The following BPTF variants were observed in gnomAD, a reference collection of about 807,000 sequenced individuals.
The protein encoded by BPTF is bromodomain PHD finger transcription factor.
A neutral mutation model predicts 292.5 loss-of-function variants in BPTF; 18 were observed. The observed-to-expected ratio is 0.06, with a 90% confidence interval of 0.04 to 0.09. BPTF has a LOEUF of 0.09. Among genes scored for constraint, BPTF ranks in the 10% least tolerant of loss-of-function variants. BPTF has a pLI of 1.00. For synonymous variants in BPTF, 1,225 were observed against 1,251.9 expected (o/e 0.98, Z 0.45); for missense variants, 2,726 against 3,498.7 (o/e 0.78, Z 5.57).
intron 27 of BPTF, among the ~76,000 whole-genome samples, chr17:67,979,486 G>A (rs1282668548): frequency 2.0e-5 from 3 of 152,128 alleles, no homozygotes; most frequent in South Asian, 2.1e-4. Flanking sequence ...GGAGGTTGCA[G>A]TGCACCAAGA....
intron 7 of BPTF, among the ~76,000 whole-genome samples, chr17:67,899,433 T>C (rs1183813497): frequency 6.6e-6 from 1 of 152,206 alleles, no homozygotes; most frequent in Admixed American, 6.5e-5. Context: ...GAAGCCAGAC[T>C]GTGACCCAGA....
In BPTF at chr17:67,886,253, G is replaced by A. The variant is rs762552906; in HGVS notation, c.1865-5591G>A. On this transcript the variant is annotated intron_variant, in intron 4 of 27. Transcript: ENST00000306378. ...TTCCCAGAGTGAATCTGCTAAGGCA[G>A]CTGATGATCCTGAAAATGGAGAAAG... 3.7e-6 allele frequency: 6 copies of A among 1,614,028 alleles called. No individual in the cohort carries two copies. In the South Asian group the frequency reaches 6.6e-5, roughly 18 times the overall value.
At chr17:67,843,982 C>T (rs1235511153) in intron 1 of BPTF, among the ~76,000 whole-genome samples, 1 of 149,214 alleles carries the variant, frequency 6.7e-6, no homozygotes, top group Admixed American at 6.7e-5. Flanking sequence ...TCAGGCTGGT[C>T]TCAAACTCCT....
At chr17:67,900,997 CA>C (rs1413040973) in intron 7 of BPTF, among the ~76,000 whole-genome samples, 10 of 150,000 alleles carry the variant, frequency 6.7e-5, no homozygotes, top group Non-Finnish European at 1.5e-4. Context: ...GCATCCTGGG[CA>C]ACAGAGTGAC....
At chr17:67,868,789 A>G (rs1320881322) in intron 3 of BPTF, among the ~76,000 whole-genome samples, 1 of 152,198 alleles carries the variant, frequency 6.6e-6, no homozygotes. Context: ...GTTCTCACAT[A>G]TTCTACATCA....
intron 26 of BPTF, 70 bp downstream of exon 26, chr17:67,966,726 T>C: frequency 1.6e-6 from 2 of 1,270,470 alleles, no homozygotes; most frequent in Non-Finnish European, 2.1e-6. Flanking sequence ...ATAAAATTAA[T>C]ATCTTAGAAT....
In BPTF at chr17:67,969,698, C is replaced by G. The variant is rs554802548; in HGVS notation, c.8539+3042C>G. 3.8e-4 allele frequency among the ~76,000 whole-genome samples: 58 copies of G among 151,638 alleles called. 1 individual carries two copies. The highest frequency in any genetic ancestry group is 1.3e-3 in the African/African-American group (55 of 41,354). On this transcript the variant is annotated intron_variant, in intron 26 of 27. Coordinates refer to ENST00000306378, the MANE Select transcript of BPTF (RefSeq NM_182641.4). ...TGTTTTTTTTAATACCAAGATAAGC[C>G]CCAAATGGTGGTTCCCCCAGCACTT...
intron 27 of BPTF, chr17:67,977,558 T>G (rs1338657443): frequency 1.3e-5 from 2 of 150,750 alleles, no homozygotes; most frequent in Non-Finnish European, 3.0e-5. Context: ...AGGAAACAAA[T>G]TTTTTCCTTT....
chr17:67,930,655 A>G (rs2064298423), intron 17 of BPTF, among the ~76,000 whole-genome samples: 1 of 152,214 alleles, frequency 6.6e-6, no homozygotes. Context: ...TTTTAAAACT[A>G]TGAAAGGACC....
At chr17:67,844,952 A>T (rs1024789726) in intron 1 of BPTF, among the ~76,000 whole-genome samples, 1 of 152,122 alleles carries the variant, frequency 6.6e-6, no homozygotes, top group African/African-American at 2.4e-5. Flanking sequence ...CATGTTGGTC[A>T]GGCTGGTCAC....
intron 23 of BPTF, among the ~76,000 whole-genome samples, chr17:67,957,697 A>G (rs2067089949): frequency 6.6e-6 from 1 of 152,182 alleles, no homozygotes; most frequent in African/African-American, 2.4e-5. Context: ...GCAAGACTCC[A>G]TCTCCTCAAA....
rs1298818204 is a variant in BPTF at position 67,911,013 on chromosome 17, G to A, written c.3129G>A (p.Glu1043=). 1 of 1,613,652 alleles carries A rather than the reference G, an allele frequency of 6.2e-7. No homozygotes were observed. Among genetic ancestry groups the A allele is most frequent in the African/African-American group, 1.3e-5 (1 of 74,822 alleles). ...AAGTAGATGTGGTCAATGTTAGTGAGGGTTTTCATCTAAGGACTAGTTACA... is the reference window on the plus strand; with the variant it reads ...AAGTAGATGTGGTCAATGTTAGTGAAGGTTTTCATCTAAGGACTAGTTACA... ...SSQVDVVNVS[E]GFHLRTSYKK... Residue 1043 remains glutamate (E), a synonymous_variant, in exon 11 of 28, where the codon GAG becomes GAA. Transcript: ENST00000306378.
intron 1 of BPTF, among the ~76,000 whole-genome samples, chr17:67,839,247 C>G (rs1171030811): frequency 6.6e-6 from 1 of 151,894 alleles, no homozygotes; most frequent in Admixed American, 6.6e-5. Flanking sequence ...GGAACTGATG[C>G]GAATATTTCA....
At chr17:67,867,980 A>G (rs1216613302) in intron 3 of BPTF, among the ~76,000 whole-genome samples, 1 of 152,110 alleles carries the variant, frequency 6.6e-6, no homozygotes, top group African/African-American at 2.4e-5. Flanking sequence ...TGAAGGGGCA[A>G]TATCTACATA....
chr17:67,974,549 C>T (rs1413946396), intron 26 of BPTF: 1 of 152,450 alleles, frequency 6.6e-6, no homozygotes, highest in Non-Finnish European at 1.5e-5. Flanking sequence ...CGGTCGCCAG[C>T]CCCAGGTGGT....
At chr17:67,903,707 T>A (rs2062001536) in intron 7 of BPTF, 82 bp from the exon 8 acceptor site, 1 of 1,309,418 alleles carries the variant, frequency 7.6e-7, no homozygotes, top group African/African-American at 1.5e-5. Context: ...TGCTTTGTTT[T>A]CCTAATTTTT....
At chr17:67,849,081 C>A (rs1414988790) in intron 1 of BPTF, among the ~76,000 whole-genome samples, 1 of 152,170 alleles carries the variant, frequency 6.6e-6, no homozygotes, top group Non-Finnish European at 1.5e-5. Flanking sequence ...GCTTCCCTTG[C>A]ATGAGTTTCC....
intron 9 of BPTF, among the ~76,000 whole-genome samples, chr17:67,905,450 T>C (rs760469019): frequency 7.9e-5 from 12 of 151,826 alleles, no homozygotes; most frequent in Non-Finnish European, 1.5e-4. Context: ...CTTACACCTA[T>C]AATCCCAGTG....
intron 25 of BPTF, 27 bp downstream of exon 25, chr17:67,964,431 C>G (rs146651891): frequency 5.1e-6 from 8 of 1,564,980 alleles, no homozygotes; most frequent in Non-Finnish European, 7.0e-6. Flanking sequence ...TGCAGCATTT[C>G]AAAATGAAAT....
Sources: gnomAD v4.1 joint callset for allele counts (sites outside exome capture counted in the v4.1 genomes callset) on GRCh38, gnomAD v4.1.1 for gene constraint, MANE v1.5 for transcripts, NCBI Gene and HGNC (gene_info 2026-07-23, HGNC 2026-07-21) for gene names.